The following C12orf42 variants were observed in gnomAD, a reference collection of about 807,000 sequenced individuals.
C12orf42 encodes chromosome 12 open reading frame 42, also known as uncharacterized protein C12orf42.
C12orf42 carries 25 observed loss-of-function variants against 21.6 expected under a neutral mutation model. That is an observed-to-expected ratio of 1.16 (90% CI 0.84 to 1.62). C12orf42 has a LOEUF of 1.62. Ranked by LOEUF, C12orf42 falls within the 40% of genes most tolerant of loss-of-function variation. The pLI is 0.00. For synonymous variants in C12orf42, 174 were observed against 175.0 expected (o/e 0.99, Z 0.05); for missense variants, 483 against 459.3 (o/e 1.05, Z -0.47).
the C12orf42 span, among the ~76,000 whole-genome samples, chr12:103,509,198 A>C: frequency 1.3e-5 from 2 of 152,156 alleles, no homozygotes; most frequent in African/African-American, 2.4e-5. Context: ...TCATACCCCT[A>C]CTCATTTGTG....
At chr12:103,434,570 G>A (rs975415964) in intron 2 of C12orf42, among the ~76,000 whole-genome samples, 3 of 152,156 alleles carry the variant, frequency 2.0e-5, no homozygotes, top group African/African-American at 4.8e-5. Flanking sequence ...GAAGCAGGGC[G>A]AGGCATTGCC....
chr12:103,310,692 G>A (rs775766485), intron 4 of C12orf42, among the ~76,000 whole-genome samples: 3 of 152,170 alleles, frequency 2.0e-5, no homozygotes, highest in African/African-American at 4.8e-5. Flanking sequence ...AACCCTGTGT[G>A]CAAGCACATT....
At chr12:103,177,844 C>T in the C12orf42 span, among the ~76,000 whole-genome samples, 2 of 140,136 alleles carry the variant, frequency 1.4e-5, no homozygotes, top group South Asian at 2.4e-4. Context: ...GTTTAATGGC[C>T]GTGTGTGTGT....
At chr12:103,514,412 C>T in the C12orf42 span, among the ~76,000 whole-genome samples, 1 of 152,082 alleles carries the variant, frequency 6.6e-6, no homozygotes, top group Non-Finnish European at 1.5e-5. Context: ...CTAAGGGAAC[C>T]GTCTTCCTGG....
At chr12:103,249,890 T>C (rs1465069383) in intron 10 of C12orf42, among the ~76,000 whole-genome samples, 8 of 152,244 alleles carry the variant, frequency 5.3e-5, no homozygotes, top group Middle Eastern at 3.4e-3. Flanking sequence ...AATGTCAACA[T>C]TGACTCACCA....
intron 10 of C12orf42, among the ~76,000 whole-genome samples, chr12:103,260,896 T>G (rs2034864868): frequency 6.6e-6 from 1 of 152,188 alleles, no homozygotes; most frequent in African/African-American, 2.4e-5. Context: ...GTGGCTTTCT[T>G]AGTTGTCCCC....
chr12:103,203,327 G>A, the C12orf42 span, among the ~76,000 whole-genome samples: 1 of 152,148 alleles, frequency 6.6e-6, no homozygotes, highest in East Asian at 1.9e-4. Flanking sequence ...TTCCTTTAGT[G>A]TTTTGTTTTA....
the C12orf42 span, among the ~76,000 whole-genome samples, chr12:103,141,797 T>C: frequency 1.3e-5 from 2 of 152,142 alleles, no homozygotes; most frequent in Non-Finnish European, 2.9e-5. Flanking sequence ...CCCAAATTGC[T>C]GGGATTACAG....
intron 10 of C12orf42, among the ~76,000 whole-genome samples, chr12:103,256,013 A>G (rs1226406664): frequency 7.6e-6 from 1 of 131,934 alleles, no homozygotes; most frequent in Non-Finnish European, 1.6e-5. Context: ...AGATCCCGCC[A>G]CTGCACTCCA....
the C12orf42 span, among the ~76,000 whole-genome samples, chr12:103,561,555 A>T: frequency 1.6e-3 from 242 of 152,286 alleles, 1 homozygote; most frequent in African/African-American, 5.6e-3. Flanking sequence ...CTTCGCCCTC[A>T]TGACCTAATC....
At chr12:103,047,809 T>A in the C12orf42 span, among the ~76,000 whole-genome samples, 1,222 of 152,284 alleles carry the variant, frequency 8.0e-3, 15 homozygotes, top group African/African-American at 0.028. Context: ...TTCATTCCCA[T>A]GGTCTGTAAT....
intron 4 of C12orf42, among the ~76,000 whole-genome samples, chr12:103,281,162 T>C (rs1446338690): frequency 1.3e-5 from 2 of 152,186 alleles, no homozygotes; most frequent in Non-Finnish European, 2.9e-5. Flanking sequence ...ATTTACGAGA[T>C]TCTTTACACA....
chr12:103,121,955 T>G, the C12orf42 span, among the ~76,000 whole-genome samples: 1 of 152,250 alleles, frequency 6.6e-6, no homozygotes, highest in African/African-American at 2.4e-5. Context: ...AAAATTGCCT[T>G]ATCCTTTACC....
chr12:103,343,859 T>A (rs569215899), intron 4 of C12orf42, among the ~76,000 whole-genome samples: 7 of 152,216 alleles, frequency 4.6e-5, no homozygotes, highest in African/African-American at 1.7e-4. Context: ...GAATTTTTAC[T>A]AATACCCCAA....
At chr12:103,523,983 G>A in the C12orf42 span, among the ~76,000 whole-genome samples, 1 of 152,216 alleles carries the variant, frequency 6.6e-6, no homozygotes, top group East Asian at 1.9e-4. Context: ...CATGCCAAGT[G>A]CTGTACACTT....
chr12:103,491,566 C>T (rs1295514615), intron 1 of C12orf42, among the ~76,000 whole-genome samples: 1 of 152,214 alleles, frequency 6.6e-6, no homozygotes, highest in Non-Finnish European at 1.5e-5. Flanking sequence ...TATCTGGCTT[C>T]TCCTTTTGCT....
chr12:103,346,881 A>G (rs1176651162), intron 4 of C12orf42, among the ~76,000 whole-genome samples: 1 of 152,198 alleles, frequency 6.6e-6, no homozygotes, highest in Non-Finnish European at 1.5e-5. Flanking sequence ...ACTACATACT[A>G]TCAAAAATGC....
intron 2 of C12orf42, among the ~76,000 whole-genome samples, chr12:103,459,125 T>C (rs751389205): frequency 1.3e-5 from 2 of 152,142 alleles, no homozygotes; most frequent in African/African-American, 2.4e-5. Flanking sequence ...CAAGCTAAAG[T>C]TGGCCATAAG....
At chr12:103,285,321 A>T (rs1342353116) in intron 4 of C12orf42, among the ~76,000 whole-genome samples, 1 of 152,236 alleles carries the variant, frequency 6.6e-6, no homozygotes, top group Non-Finnish European at 1.5e-5. Context: ...AGCAATTCAT[A>T]TATCACTATT....
Sources: gnomAD v4.1 joint callset for allele counts (sites outside exome capture counted in the v4.1 genomes callset) on GRCh38, gnomAD v4.1.1 for gene constraint, MANE v1.5 for transcripts, NCBI Gene and HGNC (gene_info 2026-07-23, HGNC 2026-07-21) for gene names.